The following VGF variants were observed in gnomAD, a reference collection of about 807,000 sequenced individuals.
VGF encodes neurosecretory protein VGF.
A neutral mutation model predicts 41.1 loss-of-function variants in VGF; 13 were observed. The observed-to-expected ratio is 0.32, with a 90% CI of 0.21 to 0.50. The LOEUF (loss-of-function observed/expected upper bound fraction) is 0.50. Ranked by LOEUF, VGF falls within the 20% of genes least tolerant of loss-of-function variation. VGF has a pLI of 0.98. For missense variants in VGF, 920 were observed against 882.1 expected, an observed-to-expected ratio of 1.04 and a Z score of -0.54; for synonymous variants, 473 against 418.3, an observed-to-expected ratio of 1.13 and a Z score of -1.60.
rs1050826337 is a variant in VGF, at chr7:101,164,586, C to T, written c.258G>A (p.Leu86=). ...GVDPRALAAV[L]LQALDRPASP... is the part of the protein sequence containing the mutation. The stretch of plus-strand genomic sequence containing the variant: ...AGGCGGGACGGTCGAGTGCCTGCAG[C>T]AGCACCGCGGCCAGCGCCCGGGGAT... Residue 86 remains leucine (L), a synonymous_variant, in exon 2 of 2, where the codon CTG becomes CTA. Coordinates refer to ENST00000249330, the MANE Select transcript of VGF (RefSeq NM_003378.4). The T allele has an allele frequency of 4.4e-6, 7 of 1,600,302 alleles. No individual in the cohort carries two copies. Among genetic ancestry groups the T allele is most frequent in the Non-Finnish European group, 4.3e-6 (5 of 1,176,358 alleles).
chr7:101,166,014 T>C (rs1001211664), upstream of VGF, among the ~76,000 whole-genome samples: 8 of 152,200 alleles, frequency 5.3e-5, no homozygotes, highest in Non-Finnish European at 1.0e-4. Flanking sequence ...TCCCAGCGTC[T>C]GACTGGGCAC....
In VGF at chr7:101,163,572, C is replaced by A. The variant is rs749008217; in HGVS notation, c.1272G>T (p.Thr424=). 2 of 1,582,190 alleles carry A rather than the reference C, an allele frequency of 1.3e-6. No individual in the cohort carries two copies. The highest frequency in any genetic ancestry group is 8.6e-7 in the Non-Finnish European group (1 of 1,164,344). The part of the protein sequence containing the change: ...GAEDKRSQEE[T]PGHRRKEAEG... ...CGGCCTCCTTCCGCCGGTGGCCCGG[C>A]GTCTCCTCCTGGGAGCGCTTGTCCT... Residue 424 remains threonine (T), a synonymous_variant, in exon 2 of 2, where the codon ACG becomes ACT. Transcript: ENST00000249330. The surrounding 1 kb of genome is among the most constrained non-coding windows in gnomAD (Gnocchi z 5.0).
chr7:101,166,462 C>G (rs999699522), upstream of VGF, among the ~76,000 whole-genome samples: 3 of 151,752 alleles, frequency 2.0e-5, no homozygotes, highest in Non-Finnish European at 2.9e-5. Flanking sequence ...CTCCCCTCCC[C>G]CAAGGACGTT....
At chr7:101,169,659 C>G (rs1797274857), upstream of VGF, among the ~76,000 whole-genome samples, 1 of 152,164 alleles carries the variant, frequency 6.6e-6, no homozygotes, top group Non-Finnish European at 1.5e-5. Flanking sequence ...GTTGCAGGGA[C>G]TCACAGGCTG....
upstream of VGF, among the ~76,000 whole-genome samples, chr7:101,168,551 C>T (rs1254564078): frequency 3.9e-5 from 6 of 152,160 alleles, no homozygotes; most frequent in African/African-American, 7.2e-5. Flanking sequence ...CTGGGAGAGA[C>T]AGAGTGCTGG....
Position 101,164,163 on chromosome 7 carries a change from G to T in VGF, c.681C>A (p.Ala227=). Residue 227 remains alanine, a synonymous_variant, in exon 2 of 2, where the codon GCC becomes GCA. Transcript: ENST00000249330. The stretch of plus-strand genomic sequence containing the variant: ...GCATACGCGCCTGGAATTGAGAGGG[G>T]GCCGGGGGCGGCAGGGGCGCGCGCT... ...VPERAPLPPP[A]PSQFQARMPD... 6.6e-7 allele frequency: 1 copy of T among 1,510,544 alleles called. No individual in the cohort carries two copies. Among genetic ancestry groups the T allele is most frequent in the Non-Finnish European group, 8.8e-7 (1 of 1,137,262 alleles). 93.6% of individuals were successfully genotyped at this position (1,510,544 alleles called of 1,614,324 possible). A position where few individuals can be genotyped will look rare whatever the true frequency, so the allele number is the denominator to read the frequency against.
Position 101,163,034 on chromosome 7 carries a change from C to T in VGF, c.1810G>A (p.Glu604Lys). 1.9e-6 allele frequency: 3 copies of T among 1,566,110 alleles called. No individual in the cohort carries two copies. Among genetic ancestry groups the T allele is most frequent in the Non-Finnish European group, 2.6e-6 (3 of 1,161,234 alleles). Reference protein sequence around the residue: ...ERRLQEQEELENYIEHVLLRR... With the variant: ...ERRLQEQEELKNYIEHVLLRR... ...AGCAGCACGTGCTCGATGTAATTCT[C>T]CAGCTCCTCCTGCTCCTGCAGCCGG... Residue 604 changes from glutamate to lysine, a missense_variant, in exon 2 of 2, where the codon GAG becomes AAG. This residue lies in a region of VGF where 257 missense variants were observed against 217.2 expected (regional missense o/e 1.18). Coordinates refer to ENST00000249330, the MANE Select transcript of VGF (RefSeq NM_003378.4). This position sits in a 1 kb window ranked among gnomAD's most constrained non-coding sequence, Gnocchi z 5.0.
At position 101,163,086 on chromosome 7, in the gene VGF, C is replaced by A; in HGVS notation, c.1758G>T (p.Ala586=). 3.2e-6 allele frequency: 5 copies of A among 1,576,610 alleles called. No individual in the cohort carries two copies. The highest frequency in any genetic ancestry group is 4.3e-6 in the Non-Finnish European group (5 of 1,165,390). ...YPGREAQARR[A]QEEAEAEERR... ...GCTCCTCCGCCTCCGCCTCCTCCTGCGCGCGCCGCGCCTGGGCCTCCCGGC... is the reference window on the plus strand; with the variant it reads ...GCTCCTCCGCCTCCGCCTCCTCCTGAGCGCGCCGCGCCTGGGCCTCCCGGC... The change falls in exon 2 of 2, where the codon GCG becomes GCT. Residue 586 remains alanine, a synonymous_variant. Coordinates refer to ENST00000249330, the MANE Select transcript of VGF (RefSeq NM_003378.4). The surrounding 1 kb of genome is among the most constrained non-coding windows in gnomAD (Gnocchi z 5.0).
chr7:101,164,011 T>C lies in VGF; in HGVS notation c.833A>G (p.Lys278Arg). The C allele has an allele frequency of 2.0e-6, 3 of 1,472,692 alleles. No individual in the cohort carries two copies. Among genetic ancestry groups the C allele is most frequent in the Non-Finnish European group, 2.7e-6 (3 of 1,125,040 alleles). 91.2% of individuals were successfully genotyped at this position (1,472,692 alleles called of 1,614,324 possible). A position where few individuals can be genotyped will look rare whatever the true frequency, so the allele number is the denominator to read the frequency against. ...AYQGVAAPFP[K>R]ARRPESALLG... ...GAGTGCGCTCTCCGGCCGGCGCGCC[T>C]TGGGGAACGGGGCGGCCACGCCTTG... Residue 278 changes from lysine to arginine, a missense_variant, in exon 2 of 2, where the codon AAG becomes AGG. Around this residue, in one of 3 missense-constraint regions of VGF, gnomAD observed 654 missense variants for 638.4 expected, o/e 1.02. Coordinates refer to ENST00000249330, the MANE Select transcript of VGF (RefSeq NM_003378.4).
chr7:101,164,598 C>G lies in VGF; in HGVS notation c.246G>C (p.Leu82=). 6.3e-7 allele frequency: 1 copy of G among 1,599,764 alleles called. No homozygotes were observed. Among genetic ancestry groups the G allele is most frequent in the Non-Finnish European group, 8.5e-7 (1 of 1,175,222 alleles). ...ELFQGVDPRA[L]AAVLLQALDR... is the part of the protein sequence containing the mutation. ...CGAGTGCCTGCAGCAGCACCGCGGC[C>G]AGCGCCCGGGGATCCACGCCCTGGA... is the stretch of plus-strand genomic sequence containing the variant. Residue 82 remains leucine (L), a synonymous_variant, in exon 2 of 2, where the codon CTG becomes CTC. Coordinates refer to ENST00000249330, the MANE Select transcript of VGF (RefSeq NM_003378.4).
rs1215576764 is a variant in VGF at position 101,164,258 on chromosome 7, T to C, written c.586A>G (p.Asn196Asp). The change falls in exon 2 of 2, where the codon AAT becomes GAT. Residue 196 changes from asparagine (N) to aspartate (D), a missense_variant. Asn to Asp is a conservative substitution (Grantham distance 23, BLOSUM62 1). This residue lies in a region of VGF where 654 missense variants were observed against 638.4 expected (regional missense o/e 1.02). Transcript: ENST00000249330. ...ETRTHTLTRVNLESPGPERVW... is the reference protein window; with the variant it reads ...ETRTHTLTRVDLESPGPERVW... ...CGCTCTGGCCCCGGGCTCTCCAGATTCACTCGGGTCAGCGTGTGCGTGCGG... is the reference window on the plus strand; with the variant it reads ...CGCTCTGGCCCCGGGCTCTCCAGATCCACTCGGGTCAGCGTGTGCGTGCGG... The C allele has an allele frequency of 6.9e-6, 11 of 1,598,544 alleles. No individual in the cohort carries two copies. The highest frequency in any genetic ancestry group is 4.0e-5 in the African/African-American group (3 of 74,688).
At chr7:101,168,018 T>G (rs1261209576), upstream of VGF, among the ~76,000 whole-genome samples, 4 of 84,312 alleles carry the variant, frequency 4.7e-5, no homozygotes, top group African/African-American at 4.6e-5. Context: ...TGTTTTTTTT[T>G]GTTTTTTTTT....
upstream of VGF, among the ~76,000 whole-genome samples, chr7:101,168,787 AAGAG>A (rs1441800079): frequency 6.6e-6 from 1 of 152,040 alleles, no homozygotes; most frequent in Non-Finnish European, 1.5e-5. Flanking sequence ...CTGGGAGAGA[AAGAG>A]AGAGCAGGGG....
rs1797139405 is a variant in VGF at position 101,163,111 on chromosome 7, C to T, written c.1733G>A (p.Gly578Asp). The change falls in exon 2 of 2, where the codon GGC (glycine) becomes GAC (aspartate). Residue 578 changes from glycine (G) to aspartate (D), a missense_variant. Physicochemically the swap from Gly to Asp is moderately conservative, Grantham distance 94. Coordinates refer to ENST00000249330, the MANE Select transcript of VGF (RefSeq NM_003378.4). The surrounding 1 kb of genome is among the most constrained non-coding windows in gnomAD (Gnocchi z 5.0). ...CGCGCGCCGCGCCTGGGCCTCCCGG[C>T]CGGGATAGTGGCGCGAAGGCGGCAA... is the stretch of plus-strand genomic sequence containing the variant. ...HALPPSRHYP[G>D]REAQARRAQE... The T allele has an allele frequency of 6.3e-7, 1 of 1,582,392 alleles. No homozygotes were observed. The highest frequency in any genetic ancestry group is 8.6e-7 in the Non-Finnish European group (1 of 1,167,730).
chr7:101,165,004 G>A, intron 1 of VGF, 141 bp from the exon 2 acceptor site: 1 of 1,370,564 alleles, frequency 7.3e-7, no homozygotes, highest in South Asian at 2.0e-5. Flanking sequence ...GGAACGTTTA[G>A]GAGCAAAGGA....
At chr7:101,166,489 AGCAGGTGGGGAGGGGGTTGC>A (rs1014533882), upstream of VGF, among the ~76,000 whole-genome samples, 1 of 144,430 alleles carries the variant, frequency 6.9e-6, no homozygotes, top group Non-Finnish European at 1.5e-5. Context: ...GCGAGACCAG[AGCAGGTGGGGAGGGGGTTGC>A]GCAGGTGGGG....
At position 101,164,808 on chromosome 7, in the gene VGF, G is replaced by A; in HGVS notation, c.36C>T (p.Phe12=). ...CTAACCCGTTGATCAGCAGAAGGCA[G>A]AAGAGGGCGGAAGCCGACAATCTGA... ...KALRLSASAL[F]CLLLINGLGA... The change falls in exon 2 of 2, where the codon TTC becomes TTT. Residue 12 remains phenylalanine, a synonymous_variant. Coordinates refer to ENST00000249330, the MANE Select transcript of VGF (RefSeq NM_003378.4). 3.2e-6 allele frequency: 5 copies of A among 1,575,920 alleles called. No homozygotes were observed. Among genetic ancestry groups the A allele is most frequent in the Non-Finnish European group, 4.3e-6 (5 of 1,156,934 alleles).
Position 101,164,219 on chromosome 7 carries a change from A to T in VGF, c.625T>A (p.Ser209Thr). Residue 209 changes from serine (S) to threonine (T), a missense_variant, in exon 2 of 2, where the codon TCC becomes ACC. Physicochemically the swap from Ser to Thr is moderately conservative, Grantham distance 58. Around this residue, in one of 3 missense-constraint regions of VGF, gnomAD observed 654 missense variants for 638.4 expected, o/e 1.02. Transcript: ENST00000249330. ...ACACGCGCCTGGAACTCTCCCCAGGAAGCGCGCCATACGCGCTCTGGCCCC... is the reference window on the plus strand; with the variant it reads ...ACACGCGCCTGGAACTCTCCCCAGGTAGCGCGCCATACGCGCTCTGGCCCC... ...SPGPERVWRA[S>T]WGEFQARVPE... The T allele has an allele frequency of 3.8e-6, 6 of 1,567,580 alleles. No homozygotes were observed. Among genetic ancestry groups the T allele is most frequent in the Non-Finnish European group, 5.2e-6 (6 of 1,159,474 alleles).
chr7:101,163,413 C>A lies in VGF; in HGVS notation c.1431G>T (p.Glu477Asp). ...DDVVSIIEEV[E>D]EKRKRKKNAP... Reference sequence around the variant, plus strand: ...CGTTCTTCTTCCGCTTCCGCTTCTCCTCCACCTCCTCGATGATGCTGACCA... The same window carrying A: ...CGTTCTTCTTCCGCTTCCGCTTCTCATCCACCTCCTCGATGATGCTGACCA... The change falls in exon 2 of 2, where the codon GAG becomes GAT. Residue 477 changes from glutamate to aspartate, a missense_variant. This residue lies in a region of VGF where 257 missense variants were observed against 217.2 expected (regional missense o/e 1.18). Transcript: ENST00000249330. This position sits in a 1 kb window ranked among gnomAD's most constrained non-coding sequence, Gnocchi z 5.0. The A allele has an allele frequency of 6.2e-7, 1 of 1,608,284 alleles. No individual in the cohort carries two copies. Among genetic ancestry groups the A allele is most frequent in the Non-Finnish European group, 8.5e-7 (1 of 1,179,672 alleles).
Sources: gnomAD v4.1 joint callset for allele counts (sites outside exome capture counted in the v4.1 genomes callset) on GRCh38, gnomAD v4.1.1 for gene constraint, gnomAD v4.1.1 regional missense constraint, Gnocchi (gnomAD v3.1) non-coding constraint, MANE v1.5 for transcripts, NCBI Gene and HGNC (gene_info 2026-07-23, HGNC 2026-07-21) for gene names.